The following IKBKB-DT variants were observed in gnomAD, a reference collection of about 807,000 sequenced individuals.
IKBKB-DT encodes IKBKB divergent transcript.
At chr8:42,239,915 A>G (rs1324444997) in intron 3 of IKBKB-DT, among the ~76,000 whole-genome samples, 2 of 151,862 alleles carry the variant, frequency 1.3e-5, no homozygotes, top group Non-Finnish European at 2.9e-5. Context: ...TTGGGATTAT[A>G]GGCATGAGCC....
intron 3 of IKBKB-DT, among the ~76,000 whole-genome samples, chr8:42,262,458 A>ATTTATTT (rs1554503755): frequency 6.6e-6 from 1 of 151,680 alleles, no homozygotes; most frequent in African/African-American, 2.4e-5. Context: ...TTATTTATTT[A>ATTTATTT]AGACAGAGTC....
chr8:42,256,580 A>C (rs1807203769), intron 3 of IKBKB-DT, among the ~76,000 whole-genome samples: 1 of 152,162 alleles, frequency 6.6e-6, no homozygotes, highest in Non-Finnish European at 1.5e-5. Flanking sequence ...CTCAAAAAAA[A>C]TAATAATAAT....
chr8:42,239,636 T>TATATATATATATATATCTATATA (rs55662464), intron 3 of IKBKB-DT, among the ~76,000 whole-genome samples: 1 of 28,194 alleles, frequency 3.5e-5, no homozygotes, highest in Non-Finnish European at 7.1e-5. Context: ...ATATATATAT[T>TATATATATATATATATCTATATA]TATTTATTTA....
At chr8:42,259,636 C>T (rs1411707141) in intron 3 of IKBKB-DT, among the ~76,000 whole-genome samples, 2 of 152,092 alleles carry the variant, frequency 1.3e-5, no homozygotes, top group African/African-American at 2.4e-5. Context: ...AACTGCCTGA[C>T]AGGTTCTTCC....
At chr8:42,249,766 T>A (rs1014173497) in intron 3 of IKBKB-DT, among the ~76,000 whole-genome samples, 1 of 152,102 alleles carries the variant, frequency 6.6e-6, no homozygotes, top group Non-Finnish European at 1.5e-5. Flanking sequence ...AGAAAACATG[T>A]ATTATTCTCC....
At chr8:42,260,113 T>C (rs924177905) in intron 3 of IKBKB-DT, among the ~76,000 whole-genome samples, 1 of 151,330 alleles carries the variant, frequency 6.6e-6, no homozygotes, top group South Asian at 2.1e-4. Context: ...AGTCGGGAGA[T>C]CTCAAGTTCC....
At chr8:42,256,724 A>C (rs1373156154) in intron 3 of IKBKB-DT, among the ~76,000 whole-genome samples, 3 of 152,142 alleles carry the variant, frequency 2.0e-5, no homozygotes, top group African/African-American at 7.2e-5. Flanking sequence ...GAACGGTATG[A>C]TCTTAAAGTC....
At chr8:42,238,506 G>T (rs577229694) in intron 3 of IKBKB-DT, among the ~76,000 whole-genome samples, 1 of 152,186 alleles carries the variant, frequency 6.6e-6, no homozygotes. Flanking sequence ...GATGGGAGGG[G>T]CCCAAATTTT....
intron 3 of IKBKB-DT, among the ~76,000 whole-genome samples, chr8:42,246,839 G>T (rs769320993): frequency 3.3e-5 from 5 of 152,162 alleles, no homozygotes; most frequent in Non-Finnish European, 5.9e-5. Flanking sequence ...CACGGACCTG[G>T]GGTTGGGGTG....
chr8:42,251,270 G>A (rs528977027), intron 3 of IKBKB-DT, among the ~76,000 whole-genome samples: 3 of 152,356 alleles, frequency 2.0e-5, no homozygotes, highest in Admixed American at 6.5e-5. Context: ...AGCAGACATA[G>A]TTATCCCTTA....
At chr8:42,268,983 G>T (rs1807422815) in intron 1 of IKBKB-DT, among the ~76,000 whole-genome samples, 2 of 152,018 alleles carry the variant, frequency 1.3e-5, no homozygotes, top group Non-Finnish European at 2.9e-5. Flanking sequence ...TGTTGCTTCT[G>T]GCCTTGAGGC....
At chr8:42,242,957 C>T (rs375721800) in intron 3 of IKBKB-DT, among the ~76,000 whole-genome samples, 19 of 152,268 alleles carry the variant, frequency 1.2e-4, no homozygotes, top group Admixed American at 2.0e-4. Flanking sequence ...TTCACAAGCG[C>T]GAGTTCTGGT....
exon 1 of IKBKB-DT, chr8:42,270,716 A>G (rs138302823): frequency 2.0e-5 from 3 of 152,346 alleles, no homozygotes; most frequent in Non-Finnish European, 4.4e-5. Flanking sequence ...TTCTGATTCC[A>G]AGCAGGAAGG....
At chr8:42,241,346 C>T (rs1309068712) in intron 3 of IKBKB-DT, among the ~76,000 whole-genome samples, 1 of 139,082 alleles carries the variant, frequency 7.2e-6, no homozygotes, top group Admixed American at 8.1e-5. Flanking sequence ...AACTGGTTGG[C>T]TACTTGATGT....
At chr8:42,254,534 G>A (rs1019728478) in intron 3 of IKBKB-DT, among the ~76,000 whole-genome samples, 19 of 150,210 alleles carry the variant, frequency 1.3e-4, no homozygotes, top group East Asian at 2.0e-4. Flanking sequence ...CCCTCTGCCC[G>A]GCTGCCAACT....
chr8:42,236,461 T>G (rs1285679640), intron 3 of IKBKB-DT, among the ~76,000 whole-genome samples: 2 of 152,222 alleles, frequency 1.3e-5, no homozygotes, highest in East Asian at 3.8e-4. Flanking sequence ...CATTTAAAAC[T>G]CTTGATTAAA....
At chr8:42,241,382 G>T (rs1172984249) in intron 3 of IKBKB-DT, among the ~76,000 whole-genome samples, 3 of 151,634 alleles carry the variant, frequency 2.0e-5, no homozygotes, top group Admixed American at 2.0e-4. Flanking sequence ...AATAGGAAAA[G>T]GTTATTGTCT....
At chr8:42,259,976 C>T (rs866918187) in intron 3 of IKBKB-DT, among the ~76,000 whole-genome samples, 53 of 132,996 alleles carry the variant, frequency 4.0e-4, no homozygotes, top group Middle Eastern at 8.0e-3. Flanking sequence ...AGTAAGACTC[C>T]GTCTCAAAAA....
intron 3 of IKBKB-DT, among the ~76,000 whole-genome samples, chr8:42,239,630 ATATATTTATT>A (rs1382460509): frequency 1.0e-5 from 1 of 98,770 alleles, no homozygotes; most frequent in Non-Finnish European, 2.1e-5. Flanking sequence ...ATATATATAT[ATATATTTATT>A]TATTTATTCA....
Sources: allele counts gnomAD v4.1 joint callset (sites outside exome capture counted in the v4.1 genomes callset), GRCh38; gene constraint gnomAD v4.1.1; transcripts MANE v1.5; gene names NCBI Gene and HGNC (gene_info 2026-07-23, HGNC 2026-07-21).